The following PCSK2 variants were observed in gnomAD, a reference collection of about 807,000 sequenced individuals.
PCSK2 encodes neuroendocrine convertase 2.
Under a neutral mutation model 69.7 loss-of-function variants are expected in PCSK2, and 14 were observed. That is an observed-to-expected ratio of 0.20 (90% CI 0.13 to 0.31). PCSK2 has a LOEUF of 0.31. Ranked by LOEUF, PCSK2 falls within the 10% of genes least tolerant of loss-of-function variation. The probability of loss-of-function intolerance (pLI) is 1.00; values close to 1 mark genes in which losing one functional copy is unlikely to be tolerated. For missense variants in PCSK2, 544 were observed against 842.5 expected, an observed-to-expected ratio of 0.65 and a Z score of 4.39; for synonymous variants, 307 against 320.7, an observed-to-expected ratio of 0.96 and a Z score of 0.46.
intron 2 of PCSK2, among the ~76,000 whole-genome samples, chr20:17,316,865 C>T (rs1026521754): frequency 6.6e-6 from 1 of 151,948 alleles, no homozygotes; most frequent in African/African-American, 2.4e-5. Flanking sequence ...GGAGATTTCC[C>T]GTGACATAAG....
At chr20:17,262,297 G>T (rs972092976) in intron 2 of PCSK2, among the ~76,000 whole-genome samples, 1 of 152,054 alleles carries the variant, frequency 6.6e-6, no homozygotes, top group Non-Finnish European at 1.5e-5. Flanking sequence ...GTAACCATCT[G>T]CCTTGCCCAT....
upstream of PCSK2, chr20:17,226,255 C>A (rs934680175): frequency 2.6e-5 from 4 of 152,246 alleles, no homozygotes; most frequent in African/African-American, 9.7e-5. Context: ...CAGTCACCAT[C>A]GCGGGTGGGG....
chr20:17,480,893 G>T (rs1246850720), intron 11 of PCSK2, among the ~76,000 whole-genome samples: 1 of 152,186 alleles, frequency 6.6e-6, no homozygotes. Flanking sequence ...CTGCACGCAG[G>T]CTGTGCAGGC....
intron 6 of PCSK2, among the ~76,000 whole-genome samples, chr20:17,420,084 A>C (rs2032088980): frequency 6.6e-6 from 1 of 152,238 alleles, no homozygotes; most frequent in Non-Finnish European, 1.5e-5. Context: ...TGTGATTGAT[A>C]GCATTAGTTA....
At chr20:17,322,269 A>C (rs1338592276) in intron 2 of PCSK2, among the ~76,000 whole-genome samples, 1 of 152,076 alleles carries the variant, frequency 6.6e-6, no homozygotes, top group East Asian at 1.9e-4. Flanking sequence ...AGTTTATGAA[A>C]AGTTTCTTTG....
chr20:17,348,110 AAAG>A (rs2029877452), intron 2 of PCSK2, among the ~76,000 whole-genome samples: 2 of 151,704 alleles, frequency 1.3e-5, no homozygotes, highest in African/African-American at 2.4e-5. Flanking sequence ...AAAGAAAAGA[AAAG>A]AAAGAGAGAG....
rs1208117061 is a variant in PCSK2, at chr20:17,295,292, T to A, written c.282+34948T>A. Among the ~76,000 whole-genome samples, 18 of 151,784 alleles carry A rather than the reference T, an allele frequency of 1.2e-4. No individual in the cohort carries two copies. The East Asian group carries it at 3.3e-3, about 28-fold the overall frequency. ...TGCCAGATATTGTTTTAAATGCCAT[T>A]ATTACCACTTCCCAAGCAAGGAGAC... On this transcript the variant is annotated intron_variant, in intron 2 of 11. Transcript: ENST00000262545.
intron 2 of PCSK2, among the ~76,000 whole-genome samples, chr20:17,283,023 C>T (rs1210010902): frequency 6.6e-6 from 1 of 152,148 alleles, no homozygotes; most frequent in Non-Finnish European, 1.5e-5. Context: ...GTGGCTTAGA[C>T]TCCATTATCC....
intron 1 of PCSK2, among the ~76,000 whole-genome samples, chr20:17,239,745 A>C (rs1002847622): frequency 6.6e-6 from 1 of 151,494 alleles, no homozygotes; most frequent in African/African-American, 2.4e-5. Flanking sequence ...ACACTAAGAC[A>C]TGGATTTGGG....
At chr20:17,347,862 G>GAAAGAA (rs1990704796) in intron 2 of PCSK2, among the ~76,000 whole-genome samples, 1 of 45,240 alleles carries the variant, frequency 2.2e-5, no homozygotes, top group East Asian at 6.3e-4. Context: ...GAAAGAAAGA[G>GAAAGAA]GAGAGAGAAA....
chr20:17,418,030 G>T (rs1443084372), intron 6 of PCSK2, among the ~76,000 whole-genome samples: 2 of 152,168 alleles, frequency 1.3e-5, no homozygotes, highest in Non-Finnish European at 2.9e-5. Flanking sequence ...CTTCCAAGGA[G>T]CTTGCAATGT....
In PCSK2 at chr20:17,393,563, A is replaced by T. The variant is rs114187163; in HGVS notation, c.544-15700A>T. Among the ~76,000 whole-genome samples the T allele has an allele frequency of 9.2e-3, 1,402 of 152,098 alleles. 23 individuals are homozygous for T. The highest frequency in any genetic ancestry group is 0.032 in the African/African-American group (1,320 of 41,476). ...TCTTCAAAAAGATGAATATTTTTAA[A>T]TTTTTTTTCTTTTTTTTCAATCACT... On this transcript the variant is annotated intron_variant, in intron 5 of 11. Transcript: ENST00000262545.
intron 11 of PCSK2, among the ~76,000 whole-genome samples, chr20:17,465,824 C>T (rs1359585569): frequency 2.0e-5 from 3 of 152,114 alleles, no homozygotes; most frequent in Non-Finnish European, 4.4e-5. Context: ...TGCGCCACCA[C>T]ACCCTGCTAA....
intron 2 of PCSK2, among the ~76,000 whole-genome samples, chr20:17,318,937 C>T (rs1003250400): frequency 1.3e-5 from 2 of 152,178 alleles, no homozygotes; most frequent in Non-Finnish European, 2.9e-5. Context: ...GGGAATAAGA[C>T]AGAGAAGAAA....
At chr20:17,426,393 T>C (rs1364285464) in intron 6 of PCSK2, among the ~76,000 whole-genome samples, 1 of 152,206 alleles carries the variant, frequency 6.6e-6, no homozygotes, top group Non-Finnish European at 1.5e-5. Context: ...TTACCCAGTC[T>C]CTGGTATTTC....
chr20:17,431,922 G>T (rs550635253), intron 7 of PCSK2, among the ~76,000 whole-genome samples: 2 of 152,298 alleles, frequency 1.3e-5, no homozygotes, highest in Middle Eastern at 3.4e-3. Flanking sequence ...GGGCTAAGGA[G>T]GTCTAAAGCG....
intron 2 of PCSK2, among the ~76,000 whole-genome samples, chr20:17,296,595 C>T (rs571710454): frequency 6.6e-6 from 1 of 152,268 alleles, no homozygotes; most frequent in East Asian, 1.9e-4. Flanking sequence ...AAATGAACAT[C>T]CCTTCAGTTA....
intron 2 of PCSK2, among the ~76,000 whole-genome samples, chr20:17,270,470 G>A (rs1987817723): frequency 1.3e-5 from 2 of 152,144 alleles, no homozygotes; most frequent in South Asian, 4.1e-4. Context: ...AGAGATTCAT[G>A]TCTGAATAAC....
chr20:17,411,149 G>A (rs932220253), intron 6 of PCSK2, among the ~76,000 whole-genome samples: 1 of 152,212 alleles, frequency 6.6e-6, no homozygotes, highest in African/African-American at 2.4e-5. Flanking sequence ...GCTCTGGTCT[G>A]CAGCTCCCAG....
Sources: gnomAD v4.1 joint callset for allele counts (sites outside exome capture counted in the v4.1 genomes callset) on GRCh38, gnomAD v4.1.1 for gene constraint, MANE v1.5 for transcripts, NCBI Gene and HGNC (gene_info 2026-07-23, HGNC 2026-07-21) for gene names.